The following PTPRK variants were observed in gnomAD, a reference collection of about 807,000 sequenced individuals.
PTPRK encodes receptor-type tyrosine-protein phosphatase kappa.
A neutral mutation model predicts 178.0 loss-of-function variants in PTPRK; 75 were observed. The observed-to-expected ratio is 0.42, with a 90% CI of 0.35 to 0.51. The LOEUF is 0.51. Ranked by LOEUF, PTPRK falls within the 20% of genes least tolerant of loss-of-function variation. PTPRK has a pLI of 0.02. For missense variants in PTPRK, 1,441 were observed against 1,797.8 expected, an observed-to-expected ratio of 0.80 and a Z score of 3.59; for synonymous variants, 637 against 620.6, an observed-to-expected ratio of 1.03 and a Z score of -0.39.
At chr6:128,214,823 T>G (rs530534726) in intron 6 of PTPRK, among the ~76,000 whole-genome samples, 25 of 152,158 alleles carry the variant, frequency 1.6e-4, no homozygotes, top group Non-Finnish European at 3.2e-4. Flanking sequence ...TAGTTTATAT[T>G]GTCTTACAAC....
intron 1 of PTPRK, among the ~76,000 whole-genome samples, chr6:128,442,376 G>A (rs190561742): frequency 6.6e-6 from 1 of 152,042 alleles, no homozygotes; most frequent in Non-Finnish European, 1.5e-5. Flanking sequence ...CATTGACTAG[G>A]GATCTAAGTC....
intron 8 of PTPRK, among the ~76,000 whole-genome samples, chr6:128,088,750 T>C (rs1786395755): frequency 6.6e-6 from 1 of 152,170 alleles, no homozygotes; most frequent in South Asian, 2.1e-4. Flanking sequence ...TAAATATTTG[T>C]TCATATTATT....
chr6:128,031,078 A>G (rs1775244587), intron 13 of PTPRK, among the ~76,000 whole-genome samples: 1 of 152,224 alleles, frequency 6.6e-6, no homozygotes, highest in South Asian at 2.1e-4. Flanking sequence ...AGAAATTTAA[A>G]AAATAAAATC....
At chr6:128,468,030 C>T (rs921328828) in intron 1 of PTPRK, among the ~76,000 whole-genome samples, 2 of 152,208 alleles carry the variant, frequency 1.3e-5, no homozygotes, top group Non-Finnish European at 1.5e-5. Context: ...GATTTCTTGA[C>T]TTGAGTGTCA....
chr6:128,131,426 G>T (rs1937397156), intron 7 of PTPRK, among the ~76,000 whole-genome samples: 1 of 152,126 alleles, frequency 6.6e-6, no homozygotes, highest in Non-Finnish European at 1.5e-5. Flanking sequence ...GCTCTAGTCT[G>T]CATCTACTTG....
At chr6:128,211,583 A>ATGCATTTT in intron 6 of PTPRK, among the ~76,000 whole-genome samples, 1 of 152,188 alleles carries the variant, frequency 6.6e-6, no homozygotes. Context: ...ATAACATTTT[A>ATGCATTTT]TGCATTTTTT....
intron 7 of PTPRK, among the ~76,000 whole-genome samples, chr6:128,151,616 A>C (rs1003892157): frequency 1.3e-5 from 2 of 152,046 alleles, no homozygotes; most frequent in Non-Finnish European, 2.9e-5. Flanking sequence ...AGGTAGCATA[A>C]ATATAAGTAA....
intron 5 of PTPRK, among the ~76,000 whole-genome samples, chr6:128,236,673 AC>A (rs1469523132): frequency 6.6e-6 from 1 of 152,026 alleles, no homozygotes; most frequent in African/African-American, 2.4e-5. Context: ...GCATAAATGT[AC>A]CGCATAACAT....
chr6:128,221,819 T>TA (rs1396159998), intron 5 of PTPRK, among the ~76,000 whole-genome samples: 1 of 151,104 alleles, frequency 6.6e-6, no homozygotes, highest in African/African-American at 2.4e-5. Context: ...AAAAGCAGCT[T>TA]ATATCCAAAA....
intron 3 of PTPRK, among the ~76,000 whole-genome samples, chr6:128,288,880 T>G (rs1284087534): frequency 6.6e-6 from 1 of 152,146 alleles, no homozygotes; most frequent in Non-Finnish European, 1.5e-5. Flanking sequence ...TTTAAAAGTA[T>G]GAAATACCTT....
intron 2 of PTPRK, among the ~76,000 whole-genome samples, chr6:128,360,054 T>C (rs555049944): frequency 2.0e-5 from 3 of 152,304 alleles, no homozygotes; most frequent in East Asian, 1.9e-4. Flanking sequence ...GTTATCTTTA[T>C]AGGCAATTTT....
At chr6:128,125,376 C>G (rs887093360) in intron 7 of PTPRK, among the ~76,000 whole-genome samples, 1 of 151,926 alleles carries the variant, frequency 6.6e-6, no homozygotes, top group Admixed American at 6.6e-5. Flanking sequence ...GCATCTTCCC[C>G]CATCCTGCTC....
intron 7 of PTPRK, among the ~76,000 whole-genome samples, chr6:128,176,455 A>G (rs1022822276): frequency 6.6e-6 from 1 of 151,850 alleles, no homozygotes; most frequent in African/African-American, 2.4e-5. Context: ...AATTAAAATG[A>G]ACATCACTCA....
At chr6:128,350,419 T>C (rs373876770) in intron 2 of PTPRK, among the ~76,000 whole-genome samples, 4 of 152,148 alleles carry the variant, frequency 2.6e-5, no homozygotes, top group East Asian at 3.9e-4. Context: ...ATCAACAGCA[T>C]CAAATGCCCT....
intron 6 of PTPRK, among the ~76,000 whole-genome samples, chr6:128,194,949 T>A (rs916269020): frequency 4.6e-5 from 7 of 151,964 alleles, no homozygotes; most frequent in East Asian, 3.9e-4. Context: ...ATATCAATTT[T>A]AAAAAAAACC....
chr6:128,416,112 G>A (rs956260256), intron 1 of PTPRK, among the ~76,000 whole-genome samples: 3 of 152,052 alleles, frequency 2.0e-5, no homozygotes, highest in Non-Finnish European at 2.9e-5. Flanking sequence ...TACAGTATGA[G>A]AAATATATGC....
intron 3 of PTPRK, among the ~76,000 whole-genome samples, chr6:128,245,799 T>C (rs985558100): frequency 1.2e-4 from 18 of 152,254 alleles, no homozygotes; most frequent in Admixed American, 1.1e-3. Context: ...AAATAGAAAA[T>C]AGTATTAAAA....
At chr6:128,242,852 G>A (rs908512881) in intron 3 of PTPRK, among the ~76,000 whole-genome samples, 5 of 152,278 alleles carry the variant, frequency 3.3e-5, no homozygotes, top group African/African-American at 1.2e-4. Context: ...ACCAAGTATT[G>A]TTATATATCC....
intron 13 of PTPRK, among the ~76,000 whole-genome samples, chr6:128,032,381 T>C (rs896311585): frequency 2.6e-5 from 4 of 152,212 alleles, no homozygotes; most frequent in Non-Finnish European, 5.9e-5. Context: ...TAGCCAGTTA[T>C]GCGGTTCAGA....
Sources: allele counts gnomAD v4.1 joint callset (sites outside exome capture counted in the v4.1 genomes callset), GRCh38; gene constraint gnomAD v4.1.1; transcripts MANE v1.5; gene names NCBI Gene and HGNC (gene_info 2026-07-23, HGNC 2026-07-21).